DCAF1: variants seen among roughly 807,000 people sequenced by gnomAD.
The protein encoded by DCAF1 is DDB1 and CUL4 associated factor 1.
Under a neutral mutation model 128.0 loss-of-function variants are expected in DCAF1, and 15 were observed. The ratio of observed to expected loss-of-function variants is 0.12; its 90% CI spans 0.08 to 0.18. The LOEUF (loss-of-function observed/expected upper bound fraction) is 0.18. DCAF1 is among the 10% of genes least tolerant of loss of function. The probability of loss-of-function intolerance (pLI) is 1.00; values close to 1 mark genes in which losing one functional copy is unlikely to be tolerated. For synonymous variants in DCAF1, 610 were observed against 603.0 expected (o/e 1.01, Z -0.17); for missense variants, 988 against 1,649.5 (o/e 0.60, Z 6.95).
At chr3:51,413,924 G>C (rs782476811) in intron 20 of DCAF1, 26 bp downstream of exon 20, 2 of 1,471,564 alleles carry the variant, frequency 1.4e-6, no homozygotes, top group Admixed American at 2.5e-5. Flanking sequence ...AAAGGAAAGA[G>C]AATAATGAAG....
chr3:51,476,911 G>A (rs910103518), intron 3 of DCAF1, among the ~76,000 whole-genome samples: 1 of 151,762 alleles, frequency 6.6e-6, no homozygotes, highest in African/African-American at 2.4e-5. Context: ...GTAAAACCCT[G>A]TCTCTATTAA....
intron 3 of DCAF1, among the ~76,000 whole-genome samples, chr3:51,481,398 A>G (rs1327878472): frequency 6.6e-6 from 1 of 152,190 alleles, no homozygotes; most frequent in Non-Finnish European, 1.5e-5. Context: ...GACATGAGCA[A>G]TACCTAATGC....
chr3:51,490,713 T>C (rs1707534439), intron 2 of DCAF1, among the ~76,000 whole-genome samples: 1 of 149,678 alleles, frequency 6.7e-6, no homozygotes, highest in Admixed American at 6.7e-5. Flanking sequence ...TCACCTGAGT[T>C]CAAGAGTTCA....
chr3:51,471,542 A>C (rs549533159), intron 3 of DCAF1, among the ~76,000 whole-genome samples: 4 of 152,120 alleles, frequency 2.6e-5, no homozygotes, highest in Admixed American at 2.0e-4. Context: ...CCTTCACCTC[A>C]GAAACCAAAA....
rs1553627682 is a variant in DCAF1, at chr3:51,409,325, CAAG to C, written c.4212+3051_4212+3053del. Among the ~76,000 whole-genome samples, 3 of 152,258 alleles carry C rather than the reference CAAG, an allele frequency of 2.0e-5. No homozygotes were observed. In the East Asian group the frequency reaches 5.8e-4, roughly 29 times the overall value. On this transcript the variant is annotated intron_variant, in intron 23 of 24. Transcript: ENST00000684031. Reference sequence around the variant, plus strand: ...TTTGCCTCTCACCACTCCATGTCTGCAAGAATAAGGCGAACCCAGAGAATAGCC... The same window carrying C: ...TTTGCCTCTCACCACTCCATGTCTGCAATAAGGCGAACCCAGAGAATAGCC...
chr3:51,406,435 T>G (rs1007477634), intron 23 of DCAF1, among the ~76,000 whole-genome samples: 2 of 146,098 alleles, frequency 1.4e-5, no homozygotes, highest in Non-Finnish European at 3.0e-5. Context: ...AGGGATATTG[T>G]TTTTTTTTTT....
chr3:51,433,825 A>T (rs1485494473), intron 9 of DCAF1, among the ~76,000 whole-genome samples: 1 of 150,058 alleles, frequency 6.7e-6, no homozygotes, highest in Non-Finnish European at 1.5e-5. Flanking sequence ...TCACGCCTGT[A>T]ATCCCAGCAC....
At chr3:51,489,950 A>G (rs533493984) in intron 2 of DCAF1, among the ~76,000 whole-genome samples, 2 of 152,164 alleles carry the variant, frequency 1.3e-5, no homozygotes, top group Non-Finnish European at 2.9e-5. Flanking sequence ...AATCCACATA[A>G]AAATTATTAG....
chr3:51,431,100 G>A (rs556479313), intron 10 of DCAF1, among the ~76,000 whole-genome samples: 3 of 152,182 alleles, frequency 2.0e-5, no homozygotes, highest in South Asian at 2.1e-4. Context: ...CCAGGAGGCC[G>A]AGGCTGCAGT....
intron 4 of DCAF1, among the ~76,000 whole-genome samples, chr3:51,467,674 C>G (rs552146780): frequency 6.6e-6 from 1 of 151,954 alleles, no homozygotes; most frequent in Admixed American, 6.6e-5. Context: ...AAAAAAGAAA[C>G]ATAATTTAAA....
At chr3:51,401,046 G>A (rs1054834094) in intron 24 of DCAF1, among the ~76,000 whole-genome samples, 1 of 150,370 alleles carries the variant, frequency 6.7e-6, no homozygotes, top group Non-Finnish European at 1.5e-5. Flanking sequence ...GCAAGAGAAT[G>A]GCATGAACCC....
intron 10 of DCAF1, among the ~76,000 whole-genome samples, chr3:51,430,453 C>T (rs1553635282): frequency 1.3e-5 from 2 of 152,088 alleles, no homozygotes; most frequent in African/African-American, 4.8e-5. Flanking sequence ...TACTGAGTGC[C>T]AACAAATATT....
At chr3:51,453,299 C>G (rs545899408) in intron 6 of DCAF1, among the ~76,000 whole-genome samples, 1 of 152,042 alleles carries the variant, frequency 6.6e-6, no homozygotes, top group Non-Finnish European at 1.5e-5. Flanking sequence ...AAATAAGAAT[C>G]AAGATCTTTC....
chr3:51,397,199 T>C (rs1175820964), downstream of DCAF1: 2 of 166,986 alleles, frequency 1.2e-5, no homozygotes, highest in African/African-American at 4.8e-5. Flanking sequence ...TTGGGCAAAA[T>C]CAAAGGAAGA....
chr3:51,412,367 A>G lies in DCAF1; in HGVS notation c.4212+12T>C. ...CACTGTTCAGCAGAAAGAAATCTCAAAGACCACTGACCTGGTCCTCCTCTT... is the reference window on the plus strand; with the variant it reads ...CACTGTTCAGCAGAAAGAAATCTCAGAGACCACTGACCTGGTCCTCCTCTT... On this transcript the variant is annotated intron_variant, in intron 23 of 24. Transcript: ENST00000684031. The G allele has an allele frequency of 6.2e-7, 1 of 1,613,778 alleles. No homozygotes were observed. Among genetic ancestry groups the G allele is most frequent in the Non-Finnish European group, 8.5e-7 (1 of 1,179,806 alleles).
At chr3:51,427,269 T>C (rs1699986354) in intron 13 of DCAF1, 103 bp downstream of exon 13, 1 of 580,568 alleles carries the variant, frequency 1.7e-6, no homozygotes, top group Non-Finnish European at 3.1e-6. Flanking sequence ...AAATTTCAAT[T>C]CAATTCAACA....
chr3:51,441,182 C>T, intron 8 of DCAF1, 111 bp from the exon 9 acceptor site: 1 of 1,197,200 alleles, frequency 8.4e-7, no homozygotes, highest in East Asian at 2.5e-5. Flanking sequence ...CTTCCTCCCT[C>T]CCTGTGAAGA....
chr3:51,466,724 CA>C (rs1704166882), intron 5 of DCAF1, 78 bp downstream of exon 5: 1 of 1,470,542 alleles, frequency 6.8e-7, no homozygotes, highest in South Asian at 1.2e-5. Flanking sequence ...TAGGAGAAGG[CA>C]AACTATTCAC....
chr3:51,428,864 G>A (rs533061092), intron 12 of DCAF1, among the ~76,000 whole-genome samples: 1 of 152,160 alleles, frequency 6.6e-6, no homozygotes, highest in East Asian at 1.9e-4. Flanking sequence ...GGGTGTGGTG[G>A]TGTGTGCCTA....
Sources: gnomAD v4.1 joint callset for allele counts (sites outside exome capture counted in the v4.1 genomes callset) on GRCh38, gnomAD v4.1.1 for gene constraint, MANE v1.5 for transcripts, NCBI Gene and HGNC (gene_info 2026-07-23, HGNC 2026-07-21) for gene names.